Variants in MTERF1 observed in about 807,000 individuals in gnomAD.
The protein encoded by MTERF1 is mitochondrial transcription termination factor 1.
Under a neutral mutation model 31.6 loss-of-function variants are expected in MTERF1, and 29 were observed. The ratio of observed to expected loss-of-function variants is 0.92; its 90% confidence interval spans 0.68 to 1.25. The LOEUF (loss-of-function observed/expected upper bound fraction) is 1.25, where lower values mean the gene tolerates loss of function less well. MTERF1 is among the 50% of genes most tolerant of loss of function. The pLI is 0.00. For missense variants in MTERF1, 500 were observed against 469.1 expected, an observed-to-expected ratio of 1.07 and a Z score of -0.61; for synonymous variants, 152 against 164.1, an observed-to-expected ratio of 0.93 and a Z score of 0.57.
At position 91,874,554 on chromosome 7, in the gene MTERF1, A is replaced by T. The variant is rs1789292230; in HGVS notation, c.240T>A (p.Leu80=). 5.6e-6 allele frequency: 9 copies of T among 1,613,962 alleles called. No individual in the cohort carries two copies. Among genetic ancestry groups the T allele is most frequent in the Non-Finnish European group, 6.8e-6 (8 of 1,180,002 alleles). The stretch of plus-strand genomic sequence containing the variant: ...CCATGTCAATATCTACTCCCATAGT[A>T]AGTAAGTTTTTCAGTAGGTCCTCAT... ...LKNEDLLKNL[L]TMGVDIDMAR... Residue 80 remains leucine, a synonymous_variant, in exon 3 of 3, where the codon CTT becomes CTA. Transcript: ENST00000351870.
Position 91,874,491 on chromosome 7 carries a change from A to G in MTERF1, c.303T>C (p.Ile101=). 1 of 1,614,080 alleles carries G rather than the reference A, an allele frequency of 6.2e-7. No individual in the cohort carries two copies. Among genetic ancestry groups the G allele is most frequent in the African/African-American group, 1.3e-5 (1 of 75,024 alleles). ...ACATCTTCAGGTCCTGCTCATTGGT[A>G]ATCATCCTATGAAAAACTCCAGGCT... ...KRQPGVFHRM[I]TNEQDLKMFL... is the part of the protein sequence containing the mutation. Residue 101 remains isoleucine, a synonymous_variant, in exon 3 of 3, where the codon ATT becomes ATC. Coordinates refer to ENST00000351870, the MANE Select transcript of MTERF1 (RefSeq NM_006980.5).
Position 91,873,570 on chromosome 7 carries a change from T to C in MTERF1, c.*24A>G, listed in dbSNP as rs1268014319. The C allele has an allele frequency of 6.4e-7, 1 of 1,562,028 alleles. No individual in the cohort carries two copies. The highest frequency in any genetic ancestry group is 2.2e-5 in the East Asian group (1 of 44,482). On this transcript the variant is annotated 3_prime_UTR_variant, in exon 3 of 3. Coordinates refer to ENST00000351870, the MANE Select transcript of MTERF1 (RefSeq NM_006980.5). ...TGTGGCATAACATATTCACAGTTCC[T>C]GAGAATTAAAAACATTGGCATCCTT...
In MTERF1 at chr7:91,874,195, G is replaced by A; in HGVS notation, c.599C>T (p.Ala200Val). The A allele has an allele frequency of 6.2e-7, 1 of 1,614,138 alleles. No individual in the cohort carries two copies. The highest frequency in any genetic ancestry group is 8.5e-7 in the Non-Finnish European group (1 of 1,180,012). ...AAGACTATTGGAGAAGGTACGAGGG[G>A]CATTGGTCAACAATCGACAAAGGCA... ...RKCLCRLLTN[A>V]PRTFSNSLDL... is the part of the protein sequence containing the mutation. Residue 200 changes from alanine (A) to valine (V), a missense_variant, in exon 3 of 3, where the codon GCC becomes GTC. Ala to Val is a moderately conservative substitution (Grantham distance 64). Transcript: ENST00000351870.
intron 2 of MTERF1, among the ~76,000 whole-genome samples, chr7:91,879,450 T>A (rs572922314): frequency 5.4e-4 from 83 of 152,336 alleles, no homozygotes; most frequent in African/African-American, 1.9e-3. Flanking sequence ...TTCTGAAAGA[T>A]TATTAGAGGC....
At position 91,873,540 on chromosome 7, in the gene MTERF1, T is replaced by C; in HGVS notation, c.*54A>G. 7.0e-7 allele frequency: 1 copy of C among 1,435,584 alleles called. No individual in the cohort carries two copies. Among genetic ancestry groups the C allele is most frequent in the Middle Eastern group, 1.8e-4 (1 of 5,474 alleles). The allele number at this position is 1,435,584 out of a possible 1,614,324, so 88.9% of individuals were successfully genotyped here. A position where few individuals can be genotyped will look rare whatever the true frequency, so the allele number is the denominator to read the frequency against. On this transcript the variant is annotated 3_prime_UTR_variant, in exon 3 of 3. Coordinates refer to ENST00000351870, the MANE Select transcript of MTERF1 (RefSeq NM_006980.5). ...ATTAATCACTTCTGCAAAATTCTTT[T>C]GCAATGTGGCATAACATATTCACAG...
rs774446813 is a variant in MTERF1 at position 91,873,619 on chromosome 7, A to C, written c.1175T>G (p.Leu392Trp). The C allele has an allele frequency of 3.1e-6, 5 of 1,605,342 alleles. No homozygotes were observed. In the South Asian group the frequency reaches 5.6e-5, roughly 18 times the overall value. ...TTAGGCAAATCTGCTTAACTTTTTC[A>C]ATTTAGCTTCATATCTTTTTTTACT... ...SWSKKRYEAKLKKLSRFA is the reference protein window; with the variant it reads ...SWSKKRYEAKWKKLSRFA The change falls in exon 3 of 3, where the codon TTG becomes TGG. Residue 392 changes from leucine to tryptophan, a missense_variant. Transcript: ENST00000351870.
chr7:91,872,896 C>G lies in MTERF1; in HGVS notation c.*698G>C, dbSNP rs1789215646. 1 of 152,088 alleles carries G rather than the reference C, an allele frequency of 6.6e-6. No homozygotes were observed. The highest frequency in any genetic ancestry group is 1.5e-5 in the Non-Finnish European group (1 of 68,004). 9.4% of individuals were successfully genotyped at this position (152,088 alleles called of 1,614,324 possible). A position where few individuals can be genotyped will look rare whatever the true frequency, so the allele number is the denominator to read the frequency against. On this transcript the variant is annotated 3_prime_UTR_variant, in exon 3 of 3. Coordinates refer to ENST00000351870, the MANE Select transcript of MTERF1 (RefSeq NM_006980.5). ...TATCATTTCCTTAAACTATATTAGG[C>G]AAACATATTCCTTTATTTAGATTTT...
In MTERF1 at chr7:91,879,966, C is replaced by T. The variant is rs1789461555; in HGVS notation, c.29+89G>A. ...TTAAAAAGGCTGTTAATGGAAATAA[C>T]TAATCACTGGCCCTAAAATACCACA... is the stretch of plus-strand genomic sequence containing the variant. On this transcript the variant is annotated intron_variant, in intron 2 of 2. Transcript: ENST00000351870. 3.4e-6 allele frequency: 5 copies of T among 1,489,568 alleles called. No homozygotes were observed. The Admixed American group carries it at 9.0e-5, about 27-fold the overall frequency. The allele number at this position is 1,489,568 out of a possible 1,614,324, so 92.3% of individuals were successfully genotyped here.
Position 91,874,225 on chromosome 7 carries a change from C to A in MTERF1, c.569G>T (p.Arg190Leu). 6.2e-7 allele frequency: 1 copy of A among 1,614,120 alleles called. No individual in the cohort carries two copies. The highest frequency in any genetic ancestry group is 8.5e-7 in the Non-Finnish European group (1 of 1,180,032). The stretch of plus-strand genomic sequence containing the variant: ...GGTCAACAATCGACAAAGGCATTTA[C>A]GGGTCAATCCAACTGAGTAGAGGAA... ...IKFLYSVGLT[R>L]KCLCRLLTNA... The change falls in exon 3 of 3, where the codon CGT becomes CTT. Residue 190 changes from arginine to leucine, a missense_variant. Coordinates refer to ENST00000351870, the MANE Select transcript of MTERF1 (RefSeq NM_006980.5).
chr7:91,874,834 C>G, intron 2 of MTERF1, 70 bp from the exon 3 acceptor site: 1 of 1,097,184 alleles, frequency 9.1e-7, no homozygotes, highest in Non-Finnish European at 1.3e-6. Flanking sequence ...ATATTACAAT[C>G]CTATAAGCAT....
chr7:91,873,966 A>G lies in MTERF1; in HGVS notation c.828T>C (p.Gly276=), dbSNP rs1321706615. The G allele has an allele frequency of 6.2e-7, 1 of 1,614,046 alleles. No individual in the cohort carries two copies. Among genetic ancestry groups the G allele is most frequent in the Non-Finnish European group, 8.5e-7 (1 of 1,180,030 alleles). ...AAAGGTCTAGGATTTCAGCTCCTGG[A>G]CCACATATCAGAACCAGCAGTTCCT... is the stretch of plus-strand genomic sequence containing the variant. ...NSEELLVLIC[G]PGAEILDLSN... is the part of the protein sequence containing the mutation. Residue 276 remains glycine (G), a synonymous_variant, in exon 3 of 3, where the codon GGT becomes GGC. Transcript: ENST00000351870.
In MTERF1 at chr7:91,874,051, C is replaced by T. The variant is rs752576294; in HGVS notation, c.743G>A (p.Ser248Asn). The T allele has an allele frequency of 1.2e-6, 2 of 1,614,076 alleles. No individual in the cohort carries two copies. ...AATGTTAGCTTTCACCCGCTTGGTGCTCTGAATTAAGATAAAAGGGTTTTT... is the reference window on the plus strand; with the variant it reads ...AATGTTAGCTTTCACCCGCTTGGTGTTCTGAATTAAGATAAAAGGGTTTTT... ...IFKNPFILIQ[S>N]TKRVKANIEF... The change falls in exon 3 of 3, where the codon AGC (serine) becomes AAC (asparagine). Residue 248 changes from serine (S) to asparagine (N), a missense_variant. Ser to Asn is a conservative substitution (Grantham distance 46). Coordinates refer to ENST00000351870, the MANE Select transcript of MTERF1 (RefSeq NM_006980.5).
At chr7:91,875,388 CCA>C (rs1584463056) in intron 2 of MTERF1, among the ~76,000 whole-genome samples, 2 of 152,116 alleles carry the variant, frequency 1.3e-5, no homozygotes, top group South Asian at 2.1e-4. Context: ...GTAGTTGGGA[CCA>C]CAGGAATGCC....
At position 91,873,123 on chromosome 7, in the gene MTERF1, T is replaced by C. The variant is rs1220794152; in HGVS notation, c.*471A>G. On this transcript the variant is annotated 3_prime_UTR_variant, in exon 3 of 3. Transcript: ENST00000351870. The stretch of plus-strand genomic sequence containing the variant: ...TAGTTGCTATGTTAATCTATTTGCT[T>C]CTTCAGCAAATTATCACTGACTCAG... 1 of 153,036 alleles carries C rather than the reference T, an allele frequency of 6.5e-6. No individual in the cohort carries two copies. Among genetic ancestry groups the C allele is most frequent in the African/African-American group, 2.4e-5 (1 of 41,462 alleles). The allele number at this position is 153,036 out of a possible 1,614,324, so 9.5% of individuals were successfully genotyped here.
chr7:91,874,537 A>G lies in MTERF1; in HGVS notation c.257T>C (p.Ile86Thr). The G allele has an allele frequency of 1.2e-6, 2 of 1,614,134 alleles. No individual in the cohort carries two copies. The highest frequency in any genetic ancestry group is 2.2e-5 in the East Asian group (1 of 44,884). Residue 86 changes from isoleucine to threonine, a missense_variant, in exon 3 of 3, where the codon ATT becomes ACT. Coordinates refer to ENST00000351870, the MANE Select transcript of MTERF1 (RefSeq NM_006980.5). ...LKNLLTMGVDIDMARKRQPGV... is the reference protein window; with the variant it reads ...LKNLLTMGVDTDMARKRQPGV... ...AGGCTGTCGTTTCCTTGCCATGTCAATATCTACTCCCATAGTAAGTAAGTT... is the reference window on the plus strand; with the variant it reads ...AGGCTGTCGTTTCCTTGCCATGTCAGTATCTACTCCCATAGTAAGTAAGTT...
Position 91,872,511 on chromosome 7 carries a change from G to C in MTERF1, c.*1083C>G, listed in dbSNP as rs1368016118. 1 of 152,168 alleles carries C rather than the reference G, an allele frequency of 6.6e-6. No individual in the cohort carries two copies. The highest frequency in any genetic ancestry group is 1.5e-5 in the Non-Finnish European group (1 of 68,040). 9.4% of individuals were successfully genotyped at this position (152,168 alleles called of 1,614,324 possible). ...ACTATGCCATGCTTGCCATCAAATAGTTAACCAAATTATAATAGGAGTATC... is the reference window on the plus strand; with the variant it reads ...ACTATGCCATGCTTGCCATCAAATACTTAACCAAATTATAATAGGAGTATC... On this transcript the variant is annotated 3_prime_UTR_variant, in exon 3 of 3. Coordinates refer to ENST00000351870, the MANE Select transcript of MTERF1 (RefSeq NM_006980.5).
chr7:91,874,617 AC>A lies in MTERF1; in HGVS notation c.176del (p.Gly59ValfsTer2). 4 of 1,614,058 alleles carry A rather than the reference AC, an allele frequency of 2.5e-6. No individual in the cohort carries two copies. The highest frequency in any genetic ancestry group is 3.4e-6 in the Non-Finnish European group (4 of 1,180,012). Reference sequence around the variant, plus strand: ...CACTGTCTGTATTATGACACTTCACACCAAAAAGCCTAAATGAAACTGATTT... The same window carrying A: ...CACTGTCTGTATTATGACACTTCACACAAAAAGCCTAAATGAAACTGATTT... ...IFKSVSFRLF[G>X]VKCHNTDSEP... On this transcript the variant is annotated frameshift_variant, in exon 3 of 3. Transcript: ENST00000351870. LOFTEE classifies it high-confidence loss of function.
rs776749146 is a variant in MTERF1, at chr7:91,874,010, T to C, written c.784A>G (p.Thr262Ala). The change falls in exon 3 of 3, where the codon ACT becomes GCT. Residue 262 changes from threonine (T) to alanine (A), a missense_variant. By Grantham distance (58) the Thr-to-Ala change is moderately conservative (BLOSUM62 0). Coordinates refer to ENST00000351870, the MANE Select transcript of MTERF1 (RefSeq NM_006980.5). ...VKANIEFLRS[T>A]FNLNSEELLV... ...AGTTCCTCACTGTTCAAATTGAAAG[T>C]TGACCGTAAGAATTCAATGTTAGCT... 8.1e-6 allele frequency: 13 copies of C among 1,614,108 alleles called. No individual in the cohort carries two copies. The East Asian group carries it at 8.9e-5, about 11-fold the overall frequency.
In MTERF1 at chr7:91,871,625, T is replaced by C. The variant is rs936612624; in HGVS notation, c.*1969A>G. 6.6e-6 allele frequency: 1 copy of C among 152,358 alleles called. No homozygotes were observed. Among genetic ancestry groups the C allele is most frequent in the African/African-American group, 2.4e-5 (1 of 41,584 alleles). The allele number at this position is 152,358 out of a possible 1,614,324, so 9.4% of individuals were successfully genotyped here. A position where few individuals can be genotyped will look rare whatever the true frequency, so the allele number is the denominator to read the frequency against. ...AGACCATACTGTATGATTCCATTTA[T>C]ATGAAATGCTCAGAATAAACAAATT... On this transcript the variant is annotated 3_prime_UTR_variant, in exon 3 of 3. Transcript: ENST00000351870.
Sources: allele counts gnomAD v4.1 joint callset (sites outside exome capture counted in the v4.1 genomes callset), GRCh38; gene constraint gnomAD v4.1.1; transcripts MANE v1.5; gene names NCBI Gene and HGNC (gene_info 2026-07-23, HGNC 2026-07-21).